The following CNBD1 variants were observed in gnomAD, a reference collection of about 807,000 sequenced individuals.
The protein encoded by CNBD1 is cyclic nucleotide-binding domain-containing protein 1.
In CNBD1, 71 loss-of-function variants were observed where a neutral mutation model predicts 54.4. The ratio of observed to expected loss-of-function variants is 1.30; its 90% CI spans 1.08 to 1.59. CNBD1 has a LOEUF of 1.59. CNBD1 is among the 40% of genes most tolerant of loss of function. The pLI is 0.00. For synonymous variants in CNBD1, 182 were observed against 170.7 expected (o/e 1.07, Z -0.51); for missense variants, 659 against 518.0 (o/e 1.27, Z -2.64).
rs1037279277 is a variant in CNBD1 at position 87,040,767 on chromosome 8, G to A, written c.431+101013G>A. Among the ~76,000 whole-genome samples the A allele has an allele frequency of 6.0e-5, 9 of 150,398 alleles. No homozygotes were observed. In the East Asian group the frequency reaches 1.7e-3, roughly 29 times the overall value. On this transcript the variant is annotated intron_variant, in intron 4 of 10. Coordinates refer to ENST00000518476, the MANE Select transcript of CNBD1 (RefSeq NM_173538.3). ...TGAAATTTTCTTAGGTTTATTTTGTGTGTTTTTTAAAATTATTGAGTTGAA... is the reference window on the plus strand; with the variant it reads ...TGAAATTTTCTTAGGTTTATTTTGTATGTTTTTTAAAATTATTGAGTTGAA...
At chr8:87,382,585 A>G (rs772177580) in intron 10 of CNBD1, 35 bp from the exon 11 acceptor site, 3 of 1,518,564 alleles carry the variant, frequency 2.0e-6, no homozygotes, top group Admixed American at 3.9e-5. Context: ...AGTATTTATT[A>G]TGTAACTTCT....
At chr8:87,018,440 A>ATT in intron 4 of CNBD1, among the ~76,000 whole-genome samples, 1 of 152,276 alleles carries the variant, frequency 6.6e-6, no homozygotes, top group Non-Finnish European at 1.5e-5. Context: ...TTAATACTGG[A>ATT]TTTCAGCCTT....
intron 3 of CNBD1, among the ~76,000 whole-genome samples, chr8:86,908,001 A>G (rs1364539200): frequency 6.6e-6 from 1 of 152,194 alleles, no homozygotes; most frequent in Non-Finnish European, 1.5e-5. Flanking sequence ...ATTTAACACA[A>G]ATATTATGTG....
chr8:87,281,541 GATATATATATATATATATATATATATAT>G (rs57434544), intron 6 of CNBD1, among the ~76,000 whole-genome samples: 19,952 of 95,814 alleles, frequency 0.21, 2,548 homozygotes, highest in South Asian at 0.24. Flanking sequence ...TCTAGGCTAA[GATATATATATATATATATATATATATAT>G]ATATATATAT....
chr8:86,934,292 A>G (rs564526236), intron 3 of CNBD1, among the ~76,000 whole-genome samples: 1 of 152,284 alleles, frequency 6.6e-6, no homozygotes, highest in East Asian at 1.9e-4. Flanking sequence ...TGATTATTCT[A>G]TCAGTGCCTT....
intron 4 of CNBD1, among the ~76,000 whole-genome samples, chr8:87,069,380 C>T (rs1563456607): frequency 6.6e-6 from 1 of 152,052 alleles, no homozygotes; most frequent in Non-Finnish European, 1.5e-5. Context: ...AAGGTTTTAA[C>T]ACTGTATTTT....
At chr8:87,265,886 C>T (rs1808246012) in intron 6 of CNBD1, among the ~76,000 whole-genome samples, 1 of 152,150 alleles carries the variant, frequency 6.6e-6, no homozygotes, top group Non-Finnish European at 1.5e-5. Context: ...AGAAAACATT[C>T]TTGTAAACAC....
intron 4 of CNBD1, among the ~76,000 whole-genome samples, chr8:87,130,083 GC>G (rs1339969915): frequency 6.6e-6 from 1 of 152,010 alleles, no homozygotes; most frequent in African/African-American, 2.4e-5. Context: ...GTAAAGGCCT[GC>G]CCCCATGATT....
intron 4 of CNBD1, among the ~76,000 whole-genome samples, chr8:87,087,251 ATATATATATACATATATATATACG>A (rs1811115455): frequency 2.8e-5 from 4 of 142,336 alleles, no homozygotes; most frequent in South Asian, 2.1e-4. Flanking sequence ...ATATACGTAT[ATATATATATACATATATATATACG>A]TATATATATA....
intron 4 of CNBD1, among the ~76,000 whole-genome samples, chr8:87,203,082 G>C (rs917984347): frequency 3.5e-4 from 53 of 152,156 alleles, no homozygotes; most frequent in African/African-American, 1.3e-3. Flanking sequence ...ATGAGATCTT[G>C]AGTAAGTTAT....
At chr8:86,957,566 A>T (rs1807811144) in intron 4 of CNBD1, among the ~76,000 whole-genome samples, 1 of 152,090 alleles carries the variant, frequency 6.6e-6, no homozygotes. Flanking sequence ...GGGAGGGTGT[A>T]TGTGTCCAGA....
chr8:87,033,912 G>T (rs955375333), intron 4 of CNBD1, among the ~76,000 whole-genome samples: 1 of 151,622 alleles, frequency 6.6e-6, no homozygotes, highest in Non-Finnish European at 1.5e-5. Flanking sequence ...TTTGCTTTAG[G>T]TTGTCACATA....
intron 4 of CNBD1, among the ~76,000 whole-genome samples, chr8:87,153,860 A>G (rs1812658039): frequency 6.6e-6 from 1 of 152,204 alleles, no homozygotes; most frequent in African/African-American, 2.4e-5. Context: ...ACCGTAGAAC[A>G]AAAGTGCATG....
chr8:86,982,568 T>C (rs1808512329), intron 4 of CNBD1, among the ~76,000 whole-genome samples: 1 of 152,202 alleles, frequency 6.6e-6, no homozygotes, highest in Non-Finnish European at 1.5e-5. Flanking sequence ...GAATTATCTT[T>C]GTAAGTTTGT....
chr8:87,402,192 A>G (rs926219447), intron 2 of CNBD1, among the ~76,000 whole-genome samples: 3 of 151,948 alleles, frequency 2.0e-5, no homozygotes, highest in African/African-American at 7.2e-5. Flanking sequence ...TTTCACTGTC[A>G]CGAGAATATC....
At chr8:87,368,744 C>T (rs1414535044) in intron 10 of CNBD1, among the ~76,000 whole-genome samples, 1 of 151,994 alleles carries the variant, frequency 6.6e-6, no homozygotes, top group East Asian at 1.9e-4. Context: ...AGGCATCAAG[C>T]TGACCTTGCT....
intron 4 of CNBD1, among the ~76,000 whole-genome samples, chr8:87,130,952 T>C (rs897430620): frequency 2.0e-5 from 3 of 152,116 alleles, no homozygotes; most frequent in African/African-American, 7.2e-5. Context: ...TATTTTATCA[T>C]TATGAAATGT....
At chr8:86,933,755 T>A (rs980454860) in intron 3 of CNBD1, among the ~76,000 whole-genome samples, 1 of 152,132 alleles carries the variant, frequency 6.6e-6, no homozygotes, top group African/African-American at 2.4e-5. Context: ...ATATTATGAA[T>A]ATTCTTTTTT....
intron 6 of CNBD1, among the ~76,000 whole-genome samples, chr8:87,265,452 T>G (rs1189212175): frequency 6.6e-6 from 1 of 152,172 alleles, no homozygotes; most frequent in Non-Finnish European, 1.5e-5. Context: ...CCAGCTTTGT[T>G]CTTTTGGCTT....
Sources: gnomAD v4.1 joint callset for allele counts (sites outside exome capture counted in the v4.1 genomes callset) on GRCh38, gnomAD v4.1.1 for gene constraint, MANE v1.5 for transcripts, NCBI Gene and HGNC (gene_info 2026-07-23, HGNC 2026-07-21) for gene names.